Variants in ST6GAL1 observed in about 807,000 individuals in gnomAD.
ST6GAL1 encodes the protein ST6 beta-galactoside alpha-2,6-sialyltransferase 1, also known as beta-galactoside alpha-2,6-sialyltransferase 1.
ST6GAL1 carries 20 observed loss-of-function variants against 38.0 expected under a neutral mutation model. That is an observed-to-expected ratio of 0.53 (90% CI 0.37 to 0.77). The LOEUF is 0.77. Ranked by LOEUF, ST6GAL1 falls within the 30% of genes least tolerant of loss-of-function variation. The pLI, the probability that ST6GAL1 is intolerant of heterozygous loss-of-function variation, is 0.00. For missense variants in ST6GAL1, 432 were observed against 496.4 expected (o/e 0.87, Z 1.23); for synonymous variants, 196 against 188.2 (o/e 1.04, Z -0.34).
intron 1 of ST6GAL1, among the ~76,000 whole-genome samples, chr3:186,961,097 T>G (rs1165799838): frequency 3.9e-5 from 6 of 152,090 alleles, no homozygotes. Flanking sequence ...CTGCCTTGGC[T>G]TCCTAGAAAC....
intron 2 of ST6GAL1, among the ~76,000 whole-genome samples, chr3:187,030,533 A>C (rs905452698): frequency 1.3e-5 from 2 of 152,202 alleles, no homozygotes; most frequent in Non-Finnish European, 2.9e-5. Flanking sequence ...TCCCGGATTC[A>C]AGCGATCCTC....
chr3:187,043,175 T>C lies in ST6GAL1; in HGVS notation c.472T>C (p.Phe158Leu). 6.2e-7 allele frequency: 1 copy of C among 1,614,192 alleles called. No individual in the cohort carries two copies. Among genetic ancestry groups the C allele is most frequent in the East Asian group, 2.2e-5 (1 of 44,884 alleles). Residue 158 changes from phenylalanine (F) to leucine (L), a missense_variant, in exon 4 of 8, where the codon TTT becomes CTT. Transcript: ENST00000169298. ...TGTATCCATGGTAGAGGTCACAGAT[T>C]TTCCCTTCAATACCTCTGAATGGGA... is the stretch of plus-strand genomic sequence containing the variant. ...VNVSMVEVTDFPFNTSEWEGY... is the reference protein window; with the variant it reads ...VNVSMVEVTDLPFNTSEWEGY...
At chr3:187,056,500 G>A (rs1718707120) in intron 5 of ST6GAL1, among the ~76,000 whole-genome samples, 1 of 152,136 alleles carries the variant, frequency 6.6e-6, no homozygotes, top group Non-Finnish European at 1.5e-5. Flanking sequence ...AGGCCTGGTG[G>A]TGACAAAATC....
intron 2 of ST6GAL1, among the ~76,000 whole-genome samples, chr3:186,995,057 A>G (rs969086111): frequency 4.6e-5 from 7 of 152,070 alleles, no homozygotes; most frequent in African/African-American, 7.2e-5. Flanking sequence ...TCAATATTCA[A>G]TTTTCCTCAA....
intron 5 of ST6GAL1, among the ~76,000 whole-genome samples, chr3:187,057,541 CA>C (rs1374746428): frequency 6.6e-6 from 1 of 152,168 alleles, no homozygotes; most frequent in Non-Finnish European, 1.5e-5. Context: ...TTCTAACAGT[CA>C]GGTCCCTCAG....
intron 2 of ST6GAL1, among the ~76,000 whole-genome samples, chr3:187,026,375 T>A (rs572923291): frequency 3.3e-5 from 5 of 152,354 alleles, no homozygotes; most frequent in Admixed American, 6.5e-5. Flanking sequence ...TGGGCACTGT[T>A]GTTGCTGCAG....
chr3:186,935,996 A>G (rs899556979), intron 1 of ST6GAL1, among the ~76,000 whole-genome samples: 63 of 151,988 alleles, frequency 4.1e-4, no homozygotes, highest in South Asian at 1.2e-3. Flanking sequence ...GTGGGAGTGG[A>G]GGGGGTCTTG....
chr3:186,974,854 G>A (rs1715471156), intron 2 of ST6GAL1: 1 of 152,210 alleles, frequency 6.6e-6, no homozygotes, highest in Non-Finnish European at 1.5e-5. Flanking sequence ...CTGCTCAGGT[G>A]GGGTTCATGG....
intron 5 of ST6GAL1, among the ~76,000 whole-genome samples, chr3:187,052,145 G>C (rs1718537052): frequency 6.6e-6 from 1 of 152,108 alleles, no homozygotes; most frequent in Non-Finnish European, 1.5e-5. Context: ...CTTTTCAGCA[G>C]TGTCTGTGGA....
intron 2 of ST6GAL1, among the ~76,000 whole-genome samples, chr3:186,997,438 A>G (rs2108550344): frequency 6.6e-6 from 1 of 152,184 alleles, no homozygotes; most frequent in Non-Finnish European, 1.5e-5. Flanking sequence ...GAGGCCTGGA[A>G]AGGAGAAGGA....
intron 2 of ST6GAL1, among the ~76,000 whole-genome samples, chr3:186,964,588 A>G (rs1482976191): frequency 1.3e-5 from 2 of 152,194 alleles, no homozygotes; most frequent in African/African-American, 4.8e-5. Context: ...GTGTGGAGGT[A>G]GAAAGGTGAG....
chr3:186,993,926 T>C (rs1448537867), intron 2 of ST6GAL1, among the ~76,000 whole-genome samples: 1 of 152,122 alleles, frequency 6.6e-6, no homozygotes, highest in Admixed American at 6.5e-5. Flanking sequence ...ATAATAACAA[T>C]TGAATGGTGG....
intron 2 of ST6GAL1, among the ~76,000 whole-genome samples, chr3:186,999,038 G>A (rs992153679): frequency 6.6e-6 from 1 of 152,248 alleles, no homozygotes; most frequent in African/African-American, 2.4e-5. Flanking sequence ...CCAACTGCCA[G>A]CCGACCAGGA....
At chr3:186,966,803 G>T (rs1715144091) in intron 2 of ST6GAL1, among the ~76,000 whole-genome samples, 1 of 152,202 alleles carries the variant, frequency 6.6e-6, no homozygotes, top group Non-Finnish European at 1.5e-5. Context: ...GAAGCAACAG[G>T]CGTGTCAGTC....
intron 4 of ST6GAL1, among the ~76,000 whole-genome samples, chr3:187,044,315 T>A (rs1718224804): frequency 6.6e-6 from 1 of 152,104 alleles, no homozygotes; most frequent in Non-Finnish European, 1.5e-5. Flanking sequence ...AGCCTGGAGG[T>A]ACTGGAGCAG....
chr3:187,069,009 A>T (rs760270575), intron 5 of ST6GAL1, among the ~76,000 whole-genome samples: 1 of 152,182 alleles, frequency 6.6e-6, no homozygotes, highest in African/African-American at 2.4e-5. Flanking sequence ...GGCTGTTGTT[A>T]AGTTACAACG....
chr3:186,956,470 C>T lies in ST6GAL1; in HGVS notation c.-324-7315C>T, dbSNP rs79173719. Reference sequence around the variant, plus strand: ...TTAAGATCAGGCACAGCAGGCCAGGCTAAGAGGGGCATGTGTGAAATGCAG... The same window carrying T: ...TTAAGATCAGGCACAGCAGGCCAGGTTAAGAGGGGCATGTGTGAAATGCAG... On this transcript the variant is annotated intron_variant, in intron 1 of 7. Transcript: ENST00000169298. Among the ~76,000 whole-genome samples, 18 of 152,192 alleles carry T rather than the reference C, an allele frequency of 1.2e-4. No homozygotes were observed. In the East Asian group the frequency reaches 3.5e-3, roughly 29 times the overall value.
At chr3:186,940,560 G>A (rs538243063) in intron 1 of ST6GAL1, among the ~76,000 whole-genome samples, 7 of 152,214 alleles carry the variant, frequency 4.6e-5, no homozygotes, top group Admixed American at 3.3e-4. Flanking sequence ...ACACAAATTC[G>A]TAAACTTTCT....
chr3:187,012,383 G>A (rs1409936404), intron 2 of ST6GAL1, among the ~76,000 whole-genome samples: 8 of 151,884 alleles, frequency 5.3e-5, no homozygotes, highest in African/African-American at 1.9e-4. Context: ...TCAGCCTCCT[G>A]AGTAGCTGGG....
Sources: allele counts gnomAD v4.1 joint callset (sites outside exome capture counted in the v4.1 genomes callset), GRCh38; gene constraint gnomAD v4.1.1; transcripts MANE v1.5; gene names NCBI Gene and HGNC (gene_info 2026-07-23, HGNC 2026-07-21).